Variants in ZNRF3 observed in about 807,000 individuals in gnomAD.
ZNRF3 encodes E3 ubiquitin-protein ligase ZNRF3.
A neutral mutation model predicts 72.5 loss-of-function variants in ZNRF3; 23 were observed. The ratio of observed to expected loss-of-function variants is 0.32; its 90% confidence interval spans 0.23 to 0.45. The LOEUF (loss-of-function observed/expected upper bound fraction) is 0.45. ZNRF3 is among the 20% of genes least tolerant of loss of function. The probability of loss-of-function intolerance (pLI) is 1.00; values close to 1 mark genes in which losing one functional copy is unlikely to be tolerated. For synonymous variants in ZNRF3, 610 were observed against 545.3 expected, an observed-to-expected ratio of 1.12 and a Z score of -1.65; for missense variants, 1,169 against 1,272.1, an observed-to-expected ratio of 0.92 and a Z score of 1.23.
At chr22:28,895,577 G>T (rs1373688939) in intron 1 of ZNRF3, among the ~76,000 whole-genome samples, 1 of 152,188 alleles carries the variant, frequency 6.6e-6, no homozygotes, top group Non-Finnish European at 1.5e-5. Context: ...TGAGGCAGGA[G>T]AATGGCATGA....
intron 2 of ZNRF3, among the ~76,000 whole-genome samples, chr22:29,039,208 C>T (rs955639774): frequency 6.6e-6 from 1 of 152,214 alleles, no homozygotes; most frequent in African/African-American, 2.4e-5. Flanking sequence ...GAGACCTCCA[C>T]GTTCCGGGCG....
chr22:29,010,344 G>A (rs967584999), intron 2 of ZNRF3, among the ~76,000 whole-genome samples: 7 of 152,120 alleles, frequency 4.6e-5, no homozygotes, highest in Admixed American at 1.3e-4. Context: ...GAGTGGAGTC[G>A]TGTATTTGTC....
Position 28,883,984 on chromosome 22 carries a change from AT to A in ZNRF3, c.220del (p.Tyr74ThrfsTer48). ...VVLFESSPSGDYTTYTTGLTG... is the reference protein window; with the variant it reads ...VVLFESSPSGXYTTYTTGLTG... ...CTGTTCGAGTCGAGCCCAAGCGGCG[AT>A]TACACCACCTACACCACCGGCCTCA... On this transcript the variant is annotated frameshift_variant, in exon 1 of 9. Transcript: ENST00000544604. LOFTEE classifies it high-confidence loss of function. This position sits in a 1 kb window ranked among gnomAD's most constrained non-coding sequence, Gnocchi z 5.5. 1 of 1,317,776 alleles carries A rather than the reference AT, an allele frequency of 7.6e-7. No individual in the cohort carries two copies. The highest frequency in any genetic ancestry group is 9.8e-7 in the Non-Finnish European group (1 of 1,016,596). 81.6% of individuals were successfully genotyped at this position (1,317,776 alleles called of 1,614,324 possible).
At chr22:28,908,866 AG>A (rs2034262909) in intron 1 of ZNRF3, among the ~76,000 whole-genome samples, 1 of 152,078 alleles carries the variant, frequency 6.6e-6, no homozygotes, top group African/African-American at 2.4e-5. Context: ...TCCCCAGATG[AG>A]GGCCTGGTGT....
At chr22:28,888,429 C>T (rs2033828645) in intron 1 of ZNRF3, among the ~76,000 whole-genome samples, 1 of 152,190 alleles carries the variant, frequency 6.6e-6, no homozygotes, top group Admixed American at 6.5e-5. Flanking sequence ...AAAGGGATTG[C>T]CTACTGTCTT....
chr22:28,906,350 A>G (rs2034207577), intron 1 of ZNRF3, among the ~76,000 whole-genome samples: 1 of 152,186 alleles, frequency 6.6e-6, no homozygotes, highest in Non-Finnish European at 1.5e-5. Context: ...TCTCAAGGCT[A>G]AAATCTACTG....
chr22:28,982,885 TATA>T (rs1006173592), intron 1 of ZNRF3, among the ~76,000 whole-genome samples: 9 of 152,082 alleles, frequency 5.9e-5, no homozygotes, highest in African/African-American at 2.2e-4. Flanking sequence ...ACCTGAATCG[TATA>T]ATATGATATT....
intron 1 of ZNRF3, among the ~76,000 whole-genome samples, chr22:28,897,849 G>A (rs183063721): frequency 4.6e-5 from 7 of 152,212 alleles, no homozygotes; most frequent in South Asian, 4.2e-4. Flanking sequence ...ATTATTTACC[G>A]AACCGGAATT....
intron 1 of ZNRF3, among the ~76,000 whole-genome samples, chr22:28,935,754 T>C (rs1173356451): frequency 6.6e-6 from 1 of 152,162 alleles, no homozygotes; most frequent in African/African-American, 2.4e-5. Flanking sequence ...TATGATAGAA[T>C]CCATTTTCTT....
At chr22:28,939,843 C>T (rs537793177) in intron 1 of ZNRF3, among the ~76,000 whole-genome samples, 47 of 152,228 alleles carry the variant, frequency 3.1e-4, no homozygotes, top group African/African-American at 1.1e-3. Flanking sequence ...CTCTTCCAAC[C>T]ATCCTTCCCC....
chr22:28,963,756 A>G (rs936996052), intron 1 of ZNRF3, among the ~76,000 whole-genome samples: 2 of 152,166 alleles, frequency 1.3e-5, no homozygotes, highest in Non-Finnish European at 2.9e-5. Flanking sequence ...TAAGCTACCT[A>G]TGCCTGATTA....
intron 1 of ZNRF3, among the ~76,000 whole-genome samples, chr22:28,977,321 A>G (rs963251325): frequency 6.6e-6 from 1 of 152,198 alleles, no homozygotes; most frequent in African/African-American, 2.4e-5. Context: ...CTATGACAAC[A>G]GGGAGAATAA....
At chr22:28,984,941 A>C (rs1455146420) in intron 1 of ZNRF3, among the ~76,000 whole-genome samples, 1 of 152,054 alleles carries the variant, frequency 6.6e-6, no homozygotes, top group Non-Finnish European at 1.5e-5. Flanking sequence ...AGGGCCCTCT[A>C]TCTCATATCT....
chr22:29,014,637 A>G (rs941272722), intron 2 of ZNRF3, among the ~76,000 whole-genome samples: 3 of 152,214 alleles, frequency 2.0e-5, no homozygotes, highest in Non-Finnish European at 2.9e-5. Context: ...GAATTCATTC[A>G]TATGTTTATT....
intron 2 of ZNRF3, among the ~76,000 whole-genome samples, chr22:29,020,014 C>G (rs547287773): frequency 6.6e-6 from 1 of 151,998 alleles, no homozygotes; most frequent in African/African-American, 2.4e-5. Context: ...GACCTCCCCC[C>G]CAATCCCCCC....
At chr22:28,958,975 G>T (rs777332896) in intron 1 of ZNRF3, among the ~76,000 whole-genome samples, 3 of 152,196 alleles carry the variant, frequency 2.0e-5, no homozygotes, top group African/African-American at 7.2e-5. Context: ...GGGAGCACCC[G>T]TTCTGGTATG....
chr22:28,999,596 A>G (rs1252476052), intron 2 of ZNRF3, among the ~76,000 whole-genome samples: 1 of 152,226 alleles, frequency 6.6e-6, no homozygotes, highest in African/African-American at 2.4e-5. Flanking sequence ...CAAAAGTCCC[A>G]TCTGCTTTTT....
At chr22:28,963,863 C>T (rs1352180254) in intron 1 of ZNRF3, among the ~76,000 whole-genome samples, 3 of 152,188 alleles carry the variant, frequency 2.0e-5, no homozygotes, top group African/African-American at 7.2e-5. Context: ...AAGCCACTCC[C>T]TAAACCCACA....
At chr22:28,901,432 G>A (rs2034101954) in intron 1 of ZNRF3, among the ~76,000 whole-genome samples, 1 of 152,106 alleles carries the variant, frequency 6.6e-6, no homozygotes, top group Non-Finnish European at 1.5e-5. Context: ...TCTGATTTCT[G>A]TAGTCCTAGG....
Sources: allele counts gnomAD v4.1 joint callset (sites outside exome capture counted in the v4.1 genomes callset), GRCh38; gene constraint gnomAD v4.1.1; non-coding constraint Gnocchi (gnomAD v3.1); transcripts MANE v1.5; gene names NCBI Gene and HGNC (gene_info 2026-07-23, HGNC 2026-07-21).